ZNF836: variants seen among roughly 807,000 people sequenced by gnomAD.
The protein encoded by ZNF836 is zinc finger protein 836.
A neutral mutation model predicts 7.4 loss-of-function variants in ZNF836; 12 were observed. That is an observed-to-expected ratio of 1.61 (90% CI 1.03 to 2.61). The LOEUF (loss-of-function observed/expected upper bound fraction) is 2.61. Among genes scored for constraint, ZNF836 ranks in the 30% most tolerant of loss-of-function variants. ZNF836 has a pLI of 0.00. For synonymous variants in ZNF836, 365 were observed against 382.6 expected, an observed-to-expected ratio of 0.95 and a Z score of 0.54; for missense variants, 998 against 1,126.2, an observed-to-expected ratio of 0.89 and a Z score of 1.63.
chr19:52,156,217 C>T lies in ZNF836; in HGVS notation c.1466G>A (p.Arg489Gln), dbSNP rs377335874. Residue 489 changes from arginine (R) to glutamine (Q), a missense_variant, in exon 5 of 5, where the codon CGG becomes CAG. Transcript: ENST00000682614. ...AGGTTTCTCTCCAGTATGAATTCTCCGATGCCCCACAAGATGTGAAGTCTG... is the reference window on the plus strand; with the variant it reads ...AGGTTTCTCTCCAGTATGAATTCTCTGATGCCCCACAAGATGTGAAGTCTG... The part of the protein sequence containing the change: ...FSQTSHLVGH[R>Q]RIHTGEKPYK... The T allele has an allele frequency of 6.2e-5, 100 of 1,613,640 alleles. No individual in the cohort carries two copies. Among genetic ancestry groups the T allele is most frequent in the Middle Eastern group, 1.6e-4 (1 of 6,080 alleles).
chr19:52,165,640 G>T (rs1176226012), intron 3 of ZNF836, among the ~76,000 whole-genome samples: 3 of 152,150 alleles, frequency 2.0e-5, no homozygotes, highest in African/African-American at 4.8e-5. Context: ...GGTTCCCCCA[G>T]GTTGGGCACT....
chr19:52,158,407 T>G (rs61057876), intron 4 of ZNF836, among the ~76,000 whole-genome samples: 33,015 of 151,940 alleles, frequency 0.22, 4,790 homozygotes, highest in African/African-American at 0.4. Flanking sequence ...CACTAAGTTA[T>G]TTTTCTGAAT....
In ZNF836 at chr19:52,168,101, C is replaced by T. The variant is rs1468945294; in HGVS notation, c.-29G>A. On this transcript the variant is annotated 5_prime_UTR_variant, in exon 3 of 5. Coordinates refer to ENST00000682614, the MANE Select transcript of ZNF836 (RefSeq NM_001102657.3). The stretch of plus-strand genomic sequence containing the variant: ...TGACTCCTTTTCTTTCCTCTTCTTC[C>T]TCTTCTGGGCTTCTCTCTCAGTCAA... 1 of 1,609,128 alleles carries T rather than the reference C, an allele frequency of 6.2e-7. No individual in the cohort carries two copies. Among genetic ancestry groups the T allele is most frequent in the Non-Finnish European group, 8.5e-7 (1 of 1,178,284 alleles).
rs2089210409 is a variant in ZNF836, at chr19:52,161,271, C to T, written c.16-680G>A. On this transcript the variant is annotated intron_variant, in intron 3 of 4. Coordinates refer to ENST00000682614, the MANE Select transcript of ZNF836 (RefSeq NM_001102657.3). The surrounding 1 kb of genome is among the most constrained non-coding windows in gnomAD (Gnocchi z 4.1). ...TTATGGTTACGGTATGTCTTAGTCT[C>T]TCTGTGCTGCTGTACCAAGTAAAAC... Among the ~76,000 whole-genome samples, 1 of 152,172 alleles carries T rather than the reference C, an allele frequency of 6.6e-6. No individual in the cohort carries two copies. The highest frequency in any genetic ancestry group is 2.1e-4 in the South Asian group (1 of 4,830).
chr19:52,157,028 T>C lies in ZNF836; in HGVS notation c.655A>G (p.Met219Val), dbSNP rs1713797888. ...EKTHIREKPY[M>V]CKGCGKAFRV... ...AAGGCTTTGCCACACCCTTTACACA[T>C]ATAAGGTTTTTCCCTAATGTGTGTT... Residue 219 changes from methionine to valine, a missense_variant, in exon 5 of 5, where the codon ATG becomes GTG. By Grantham distance (21) the Met-to-Val change is conservative. Coordinates refer to ENST00000682614, the MANE Select transcript of ZNF836 (RefSeq NM_001102657.3). The C allele has an allele frequency of 2.5e-6, 4 of 1,614,144 alleles. No individual in the cohort carries two copies. Among genetic ancestry groups the C allele is most frequent in the South Asian group, 1.1e-5 (1 of 91,086 alleles).
Position 52,156,323 on chromosome 19 carries a change from G to A in ZNF836, c.1360C>T (p.Arg454Cys), listed in dbSNP as rs370514400. The A allele has an allele frequency of 8.2e-5, 133 of 1,613,710 alleles. No homozygotes were observed. Among genetic ancestry groups the A allele is most frequent in the Non-Finnish European group, 1.0e-4 (122 of 1,179,964 alleles). The stretch of plus-strand genomic sequence containing the variant: ...CTCTGGTGCCTTGCAAGTTGTGAAC[G>A]TTGACTGAAGACCTTGTCGCATACA... ...CDVCDKVFSQ[R>C]SQLARHQRSH... is the part of the protein sequence containing the mutation. Residue 454 changes from arginine (R) to cysteine (C), a missense_variant, in exon 5 of 5, where the codon CGT (arginine) becomes TGT (cysteine). Arg to Cys is a radical substitution (Grantham distance 180). Coordinates refer to ENST00000682614, the MANE Select transcript of ZNF836 (RefSeq NM_001102657.3).
At chr19:52,167,990 C>G in intron 3 of ZNF836, 68 bp downstream of exon 3, 1 of 1,227,708 alleles carries the variant, frequency 8.1e-7, no homozygotes, top group Non-Finnish European at 1.2e-6. Flanking sequence ...AGAGGAGATT[C>G]GCAACTCCAA....
In ZNF836 at chr19:52,156,964, T is replaced by C; in HGVS notation, c.719A>G (p.His240Arg). Residue 240 changes from histidine (H) to arginine (R), a missense_variant, in exon 5 of 5, where the codon CAT (histidine) becomes CGT (arginine). By Grantham distance (29) the His-to-Arg change is conservative. Transcript: ENST00000682614. ...SSSLINHQMV[H>R]TTEKPYKCNE... ...GCATTTGTAAGGTTTCTCTGTAGTA[T>C]GTACCATCTGATGGTTAATAAGACT... 2 of 1,614,218 alleles carry C rather than the reference T, an allele frequency of 1.2e-6. No individual in the cohort carries two copies. Among genetic ancestry groups the C allele is most frequent in the Non-Finnish European group, 1.7e-6 (2 of 1,180,026 alleles).
rs545847275 is a variant in ZNF836, at chr19:52,155,739, A to C, written c.1944T>G (p.Ser648Arg). 1.9e-6 allele frequency: 3 copies of C among 1,613,984 alleles called. No homozygotes were observed. In the South Asian group the frequency reaches 3.3e-5, roughly 18 times the overall value. Residue 648 changes from serine (S) to arginine (R), a missense_variant, in exon 5 of 5, where the codon AGT becomes AGG. Physicochemically the swap from Ser to Arg is moderately radical, Grantham distance 110 (BLOSUM62 -1). Transcript: ENST00000682614. ...GATGACGTGCTAGGCATGAGTAGTA[A>C]CTGAAAACCTTGCCGCATTCGTTAC... is the stretch of plus-strand genomic sequence containing the variant. ...FQCNECGKVF[S>R]YYSCLARHRK...
intron 3 of ZNF836, among the ~76,000 whole-genome samples, chr19:52,166,020 C>G (rs2089260136): frequency 6.6e-6 from 1 of 151,900 alleles, no homozygotes; most frequent in African/African-American, 2.4e-5. Context: ...GAGACAGAGT[C>G]TAGCTCTGTC....
In ZNF836 at chr19:52,158,269, G is replaced by C. The variant is rs529347083; in HGVS notation, c.143-729C>G. Among the ~76,000 whole-genome samples, 3 of 152,152 alleles carry C rather than the reference G, an allele frequency of 2.0e-5. No individual in the cohort carries two copies. The South Asian group carries it at 6.2e-4, about 32-fold the overall frequency. ...TATTTACTTCATATTTATTGTGCAT[G>C]AATAAATGTCAAATTACAGCTAAAT... On this transcript the variant is annotated intron_variant, in intron 4 of 4. Transcript: ENST00000682614.
intron 4 of ZNF836, 197 bp downstream of exon 4, chr19:52,160,268 G>C: frequency 1.6e-6 from 1 of 637,124 alleles, no homozygotes; most frequent in Non-Finnish European, 2.7e-6. Context: ...GGACAACAAG[G>C]GAAGACATTC....
At position 52,155,886 on chromosome 19, in the gene ZNF836, A is replaced by G; in HGVS notation, c.1797T>C (p.Arg599=). 1 of 1,612,186 alleles carries G rather than the reference A, an allele frequency of 6.2e-7. No homozygotes were observed. Among genetic ancestry groups the G allele is most frequent in the African/African-American group, 1.3e-5 (1 of 74,488 alleles). ...TVFRNYSCLA[R]HLRIHTGQKP... is the part of the protein sequence containing the mutation. ...TCTGCCCAGTATGAATTCTTAGATG[A>G]CGTGCTAGGCATGAGTAGTTCCTGA... The change falls in exon 5 of 5, where the codon CGT becomes CGC. Residue 599 remains arginine, a synonymous_variant. Transcript: ENST00000682614.
chr19:52,167,692 T>C (rs2089277882), intron 3 of ZNF836, among the ~76,000 whole-genome samples: 2 of 152,104 alleles, frequency 1.3e-5, no homozygotes, highest in African/African-American at 2.4e-5. Context: ...CACATTAATA[T>C]GTGACTTCCG....
chr19:52,160,554 G>A lies in ZNF836; in HGVS notation c.53C>T (p.Ser18Phe), dbSNP rs1195480455. 6.2e-7 allele frequency: 1 copy of A among 1,613,610 alleles called. No individual in the cohort carries two copies. Among genetic ancestry groups the A allele is most frequent in the Non-Finnish European group, 8.5e-7 (1 of 1,179,922 alleles). The change falls in exon 4 of 5, where the codon TCT (serine) becomes TTT (phenylalanine). Residue 18 changes from serine to phenylalanine, a missense_variant. By Grantham distance (155) the Ser-to-Phe change is radical. Transcript: ENST00000682614. The stretch of plus-strand genomic sequence containing the variant: ...GTCCAGGGATTTCCACTCCTCCTGA[G>A]AGAATTCTATGGCTACATCCCTGAA... ...LTFRDVAIEFSQEEWKSLDPV... is the reference protein window; with the variant it reads ...LTFRDVAIEFFQEEWKSLDPV...
chr19:52,168,255 C>T (rs907135671), intron 2 of ZNF836, 103 bp from the exon 3 acceptor site: 4 of 679,412 alleles, frequency 5.9e-6, no homozygotes, highest in Non-Finnish European at 9.8e-6. Context: ...AGAGACAGCC[C>T]ACTGCACCAG....
chr19:52,158,672 G>A (rs920460249), intron 4 of ZNF836, among the ~76,000 whole-genome samples: 7 of 152,130 alleles, frequency 4.6e-5, no homozygotes, highest in African/African-American at 1.7e-4. Flanking sequence ...GAACCCAGGA[G>A]GCAGAGGTTG....
Position 52,168,119 on chromosome 19 carries a change from T to C in ZNF836, c.-47A>G. 1 of 1,599,996 alleles carries C rather than the reference T, an allele frequency of 6.3e-7. No homozygotes were observed. The highest frequency in any genetic ancestry group is 8.5e-7 in the Non-Finnish European group (1 of 1,175,800). ...CTTCTTCCTCTTCTGGGCTTCTCTC[T>C]CAGTCAATATAATTAATTCTTTACA... is the stretch of plus-strand genomic sequence containing the variant. On this transcript the variant is annotated 5_prime_UTR_variant, in exon 3 of 5. Coordinates refer to ENST00000682614, the MANE Select transcript of ZNF836 (RefSeq NM_001102657.3).
rs2089173321 is a variant in ZNF836, at chr19:52,157,273, A to G, written c.410T>C (p.Ile137Thr). The change falls in exon 5 of 5, where the codon ATT (isoleucine) becomes ACT (threonine). Residue 137 changes from isoleucine to threonine, a missense_variant. Physicochemically the swap from Ile to Thr is moderately conservative, Grantham distance 89. Transcript: ENST00000682614. Reference protein sequence around the residue: ...HSQEDVENKCIENQLTLSFQS... With the variant: ...HSQEDVENKCTENQLTLSFQS... Reference sequence around the variant, plus strand: ...AAAGCTTAATGTAAGCTGATTTTCAATACATTTGTTTTCTACATCCTCTTG... The same window carrying G: ...AAAGCTTAATGTAAGCTGATTTTCAGTACATTTGTTTTCTACATCCTCTTG... 4 of 1,605,812 alleles carry G rather than the reference A, an allele frequency of 2.5e-6. No individual in the cohort carries two copies. The African/African-American group carries it at 4.0e-5, about 16-fold the overall frequency.
Sources: allele counts gnomAD v4.1 joint callset (sites outside exome capture counted in the v4.1 genomes callset), GRCh38; gene constraint gnomAD v4.1.1; non-coding constraint Gnocchi (gnomAD v3.1); transcripts MANE v1.5; gene names NCBI Gene and HGNC (gene_info 2026-07-23, HGNC 2026-07-21).